The following PCDHA2 variants were observed in gnomAD, a reference collection of about 807,000 sequenced individuals.
PCDHA2 encodes the protein protocadherin alpha 2.
A neutral mutation model predicts 66.0 loss-of-function variants in PCDHA2; 58 were observed. The ratio of observed to expected loss-of-function variants is 0.88; its 90% CI spans 0.71 to 1.09. The LOEUF (loss-of-function observed/expected upper bound fraction) is 1.09. PCDHA2 is among the 50% of genes least tolerant of loss of function. The probability of loss-of-function intolerance (pLI) is 0.00; values close to 1 mark genes in which losing one functional copy is unlikely to be tolerated. For missense variants in PCDHA2, 1,267 were observed against 1,242.3 expected, an observed-to-expected ratio of 1.02 and a Z score of -0.30; for synonymous variants, 634 against 554.0, an observed-to-expected ratio of 1.14 and a Z score of -2.03.
intron 1 of PCDHA2, chr5:140,857,235 T>C: frequency 6.3e-7 from 1 of 1,598,634 alleles, no homozygotes; most frequent in Non-Finnish European, 8.6e-7. Context: ...CCGTTCAAGC[T>C]GGTGTCCACC....
intron 1 of PCDHA2, among the ~76,000 whole-genome samples, chr5:140,958,973 ATTAG>A (rs2095457294): frequency 1.3e-5 from 2 of 152,038 alleles, no homozygotes; most frequent in African/African-American, 2.4e-5. Flanking sequence ...CTATTTTATT[ATTAG>A]TTATTGTTGC....
At chr5:140,963,714 A>G (rs1554226741) in intron 1 of PCDHA2, among the ~76,000 whole-genome samples, 2 of 152,260 alleles carry the variant, frequency 1.3e-5, no homozygotes, top group Admixed American at 6.5e-5. Context: ...GCCATGCTAC[A>G]TATAGACTGC....
chr5:140,802,916 C>A, intron 1 of PCDHA2: 1 of 1,613,734 alleles, frequency 6.2e-7, no homozygotes, highest in Non-Finnish European at 8.5e-7. Flanking sequence ...TGGGTGGCAT[C>A]GGTGGCGCAG....
At chr5:140,946,456 G>A (rs1554217589) in intron 1 of PCDHA2, among the ~76,000 whole-genome samples, 1 of 151,574 alleles carries the variant, frequency 6.6e-6, no homozygotes, top group African/African-American at 2.4e-5. Flanking sequence ...CAACTATCCA[G>A]CAATCCCACT....
intron 1 of PCDHA2, chr5:140,803,767 C>A: frequency 1.8e-6 from 2 of 1,087,654 alleles, no homozygotes; most frequent in Non-Finnish European, 2.6e-6. Flanking sequence ...AATTTTTGAA[C>A]CAAATCAGCA....
intron 1 of PCDHA2, among the ~76,000 whole-genome samples, chr5:140,932,861 G>A (rs1554209099): frequency 6.6e-6 from 1 of 151,858 alleles, no homozygotes; most frequent in Non-Finnish European, 1.5e-5. Flanking sequence ...ATGACTTATT[G>A]TCTTTTGTTG....
At chr5:140,955,965 T>C (rs2095242955) in intron 1 of PCDHA2, among the ~76,000 whole-genome samples, 1 of 152,204 alleles carries the variant, frequency 6.6e-6, no homozygotes, top group Admixed American at 6.5e-5. Context: ...TGTTTGTGCA[T>C]AGGAATGCTA....
chr5:140,801,068 A>C (rs1762635569), intron 1 of PCDHA2: 3 of 1,464,114 alleles, frequency 2.0e-6, no homozygotes, highest in Non-Finnish European at 2.7e-6. Context: ...TTACGTATTC[A>C]GATACTGCTT....
At chr5:140,884,181 A>G in intron 1 of PCDHA2, 1 of 1,613,332 alleles carries the variant, frequency 6.2e-7, no homozygotes, top group Non-Finnish European at 8.5e-7. Context: ...CGCCCTCTGG[A>G]CGAGGTGGAC....
chr5:140,999,523 C>T (rs115576128), intron 3 of PCDHA2, among the ~76,000 whole-genome samples: 1 of 152,026 alleles, frequency 6.6e-6, no homozygotes, highest in Non-Finnish European at 1.5e-5. Context: ...CATTTTGTTA[C>T]CCCCTGGATA....
rs141677026 is a variant in PCDHA2 at position 140,801,721 on chromosome 5, CTGAA to C, written c.2388+4371_2388+4374del. On this transcript the variant is annotated intron_variant, in intron 1 of 3. Transcript: ENST00000526136. ...TTGTTGACTTACAGTCTTGATTCCA[CTGAA>C]TATTTTACCTTGGACGTTAAAAGAA... 0.011 allele frequency: 18,159 copies of C among 1,614,106 alleles called. 133 individuals carry two copies. The highest frequency in any genetic ancestry group is 0.013 in the Non-Finnish European group (14,842 of 1,180,026).
At position 140,858,138 on chromosome 5, in the gene PCDHA2, A is replaced by T. The variant is rs577433161; in HGVS notation, c.2388+60786A>T. On this transcript the variant is annotated intron_variant, in intron 1 of 3. Coordinates refer to ENST00000526136, the MANE Select transcript of PCDHA2 (RefSeq NM_018905.3). ...GTGGCCCTGGTGGATGTCAACGTGT[A>T]CCTGATCATCGCCATCTGCGCGGTG... 43 of 1,597,514 alleles carry T rather than the reference A, an allele frequency of 2.7e-5. 1 individual carries two copies. The African/African-American group carries it at 5.5e-4, about 20-fold the overall frequency.
At chr5:140,891,819 G>C (rs1282245838) in intron 1 of PCDHA2, among the ~76,000 whole-genome samples, 3 of 152,098 alleles carry the variant, frequency 2.0e-5, no homozygotes, top group African/African-American at 7.2e-5. Context: ...ATAAATTAAC[G>C]GCACTGTAAA....
chr5:140,900,752 T>C lies in PCDHA2; in HGVS notation c.2389-78197T>C, dbSNP rs565842266. On this transcript the variant is annotated intron_variant, in intron 1 of 3. Coordinates refer to ENST00000526136, the MANE Select transcript of PCDHA2 (RefSeq NM_018905.3). ...GCAGTGGGATTTCTGGATCACTTGG[T>C]AGCTCTATTTTTGGCTTTTTGAGGA... Among the ~76,000 whole-genome samples, 3 of 152,272 alleles carry C rather than the reference T, an allele frequency of 2.0e-5. No homozygotes were observed. In the East Asian group the frequency reaches 5.8e-4, roughly 29 times the overall value.
chr5:140,913,100 A>G (rs2076204390), intron 1 of PCDHA2, among the ~76,000 whole-genome samples: 1 of 152,186 alleles, frequency 6.6e-6, no homozygotes, highest in Non-Finnish European at 1.5e-5. Flanking sequence ...TACTGGCCTC[A>G]TAGAATCAGT....
chr5:141,002,039 C>G (rs1198304632), intron 3 of PCDHA2, among the ~76,000 whole-genome samples: 1 of 152,216 alleles, frequency 6.6e-6, no homozygotes, highest in Non-Finnish European at 1.5e-5. Flanking sequence ...TGACTCTTTC[C>G]TGGGCATCCA....
chr5:141,010,296 G>C lies in PCDHA2; in HGVS notation c.*359G>C. On this transcript the variant is annotated 3_prime_UTR_variant, in exon 4 of 4. Transcript: ENST00000526136. ...CTGTCTTGATGACACTTGCAGGGCA[G>C]GCTGAAAAGTTTTGAGATTGAGCAG... The C allele has an allele frequency of 1.3e-6, 2 of 1,549,428 alleles. No individual in the cohort carries two copies. The highest frequency in any genetic ancestry group is 1.7e-6 in the Non-Finnish European group (2 of 1,146,352).
chr5:140,856,715 G>T (rs1233191211), intron 1 of PCDHA2: 1 of 1,596,328 alleles, frequency 6.3e-7, no homozygotes, highest in African/African-American at 1.3e-5. Flanking sequence ...TGAATTTACC[G>T]GATCTGTTTC....
chr5:140,826,765 G>C (rs186327192), intron 1 of PCDHA2, among the ~76,000 whole-genome samples: 115 of 152,292 alleles, frequency 7.6e-4, no homozygotes, highest in Middle Eastern at 3.4e-3. Context: ...TCATATTGGA[G>C]AGTAATTGAA....
Sources: allele counts gnomAD v4.1 joint callset (sites outside exome capture counted in the v4.1 genomes callset), GRCh38; gene constraint gnomAD v4.1.1; transcripts MANE v1.5; gene names NCBI Gene and HGNC (gene_info 2026-07-23, HGNC 2026-07-21).